Variants in VWC2L observed in about 807,000 individuals in gnomAD.
VWC2L encodes the protein von Willebrand factor C domain containing 2 like, also known as von Willebrand factor C domain-containing protein 2-like.
In VWC2L, 10 loss-of-function variants were observed where a neutral mutation model predicts 21.6. The observed-to-expected ratio is 0.46, with a 90% CI of 0.29 to 0.78. The LOEUF (loss-of-function observed/expected upper bound fraction) is 0.78. VWC2L is among the 30% of genes least tolerant of loss of function. The pLI is 0.10. For missense variants in VWC2L, 209 were observed against 277.1 expected, an observed-to-expected ratio of 0.75 and a Z score of 1.74; for synonymous variants, 96 against 94.3, an observed-to-expected ratio of 1.02 and a Z score of -0.10.
intron 3 of VWC2L, among the ~76,000 whole-genome samples, chr2:214,469,576 C>T (rs144979808): frequency 0.069 from 10,375 of 150,558 alleles, 1,146 homozygotes; most frequent in African/African-American, 0.24. Flanking sequence ...GCCTGGGCGA[C>T]AGAGGGAGAC....
chr2:214,572,062 G>C (rs986868163), intron 3 of VWC2L, among the ~76,000 whole-genome samples: 1 of 152,140 alleles, frequency 6.6e-6, no homozygotes, highest in Non-Finnish European at 1.5e-5. Context: ...GATTACAGGT[G>C]TAAGCCACCA....
At chr2:214,420,550 A>T (rs990827240) in intron 2 of VWC2L, among the ~76,000 whole-genome samples, 3 of 152,222 alleles carry the variant, frequency 2.0e-5, no homozygotes, top group Admixed American at 6.5e-5. Context: ...CACAAGGCAA[A>T]GGAGTACAAA....
At chr2:214,531,916 T>C (rs1247932518) in intron 3 of VWC2L, among the ~76,000 whole-genome samples, 1 of 152,160 alleles carries the variant, frequency 6.6e-6, no homozygotes. Flanking sequence ...ACTAATGATA[T>C]AGTTCTGTAA....
intron 3 of VWC2L, among the ~76,000 whole-genome samples, chr2:214,450,554 C>T (rs541432248): frequency 1.3e-5 from 2 of 152,276 alleles, no homozygotes; most frequent in African/African-American, 4.8e-5. Flanking sequence ...TAATGTGGTG[C>T]ATTCTTGTGT....
At chr2:214,529,858 C>T (rs975628122) in intron 3 of VWC2L, among the ~76,000 whole-genome samples, 4 of 152,088 alleles carry the variant, frequency 2.6e-5, no homozygotes, top group Admixed American at 6.6e-5. Context: ...TTCATGCTTA[C>T]GCTCATATAC....
intron 3 of VWC2L, among the ~76,000 whole-genome samples, chr2:214,496,052 C>T (rs1444834971): frequency 6.6e-6 from 1 of 152,042 alleles, no homozygotes; most frequent in Non-Finnish European, 1.5e-5. Flanking sequence ...TAGCTTACTA[C>T]ACACTTACGC....
chr2:214,512,591 C>T (rs1442941526), intron 3 of VWC2L, among the ~76,000 whole-genome samples: 1 of 152,032 alleles, frequency 6.6e-6, no homozygotes, highest in Non-Finnish European at 1.5e-5. Context: ...TTTACTCTCA[C>T]TTTCTAAAAA....
chr2:214,544,269 C>T (rs1282053407), intron 3 of VWC2L, among the ~76,000 whole-genome samples: 2 of 152,126 alleles, frequency 1.3e-5, no homozygotes, highest in Admixed American at 6.5e-5. Context: ...GATTAGAGAG[C>T]CCTGTTGTAA....
chr2:214,482,760 C>A (rs1475198640), intron 3 of VWC2L, among the ~76,000 whole-genome samples: 2 of 151,558 alleles, frequency 1.3e-5, no homozygotes, highest in African/African-American at 2.4e-5. Context: ...GAAACTGCAT[C>A]TCAAAAAAAT....
At chr2:214,495,253 T>C (rs1432337586) in intron 3 of VWC2L, among the ~76,000 whole-genome samples, 1 of 152,172 alleles carries the variant, frequency 6.6e-6, no homozygotes, top group Non-Finnish European at 1.5e-5. Context: ...CATCCTTTGC[T>C]GATCCTTCGT....
intron 3 of VWC2L, among the ~76,000 whole-genome samples, chr2:214,552,698 A>G (rs62196862): frequency 0.73 from 111,211 of 151,982 alleles, 41,241 homozygotes; most frequent in East Asian, 0.83. Context: ...TTCCTTAGTC[A>G]TCTTCCTATT....
intron 3 of VWC2L, among the ~76,000 whole-genome samples, chr2:214,509,049 C>T (rs1243445238): frequency 6.6e-6 from 1 of 152,146 alleles, no homozygotes; most frequent in African/African-American, 2.4e-5. Context: ...TGGAATCACT[C>T]TGAGGGGAGA....
chr2:214,530,968 C>T (rs1042671056), intron 3 of VWC2L, among the ~76,000 whole-genome samples: 5 of 152,164 alleles, frequency 3.3e-5, no homozygotes, highest in African/African-American at 1.2e-4. Flanking sequence ...TCAGCAATGT[C>T]AACAATGGGG....
chr2:214,482,767 AAATAAT>A (rs1688625693), intron 3 of VWC2L, among the ~76,000 whole-genome samples: 1 of 151,924 alleles, frequency 6.6e-6, no homozygotes, highest in Non-Finnish European at 1.5e-5. Context: ...CATCTCAAAA[AAATAAT>A]AATAATAAGG....
rs116452064 is a variant in VWC2L, at chr2:214,507,539, C to G, written c.521-68133C>G. ...AAACTGATGGCATTCCCCAAGGTCT[C>G]CTGGCAAGTCAGTGATGGAACCAGG... On this transcript the variant is annotated intron_variant, in intron 3 of 3. Transcript: ENST00000312504. Among the ~76,000 whole-genome samples, 1,260 of 152,320 alleles carry G rather than the reference C, an allele frequency of 8.3e-3. 11 individuals are homozygous for G. Among genetic ancestry groups the G allele is most frequent in the Middle Eastern group, 0.024 (7 of 294 alleles).
At chr2:214,571,468 T>C (rs867055966) in intron 3 of VWC2L, among the ~76,000 whole-genome samples, 9 of 152,226 alleles carry the variant, frequency 5.9e-5, no homozygotes, top group African/African-American at 1.4e-4. Context: ...TCATTCATTA[T>C]CAAATACTCC....
At chr2:214,503,662 T>C (rs1233690302) in intron 3 of VWC2L, among the ~76,000 whole-genome samples, 1 of 151,712 alleles carries the variant, frequency 6.6e-6, no homozygotes, top group African/African-American at 2.4e-5. Flanking sequence ...GCATTTTTGC[T>C]GAGCAATTTA....
intron 3 of VWC2L, among the ~76,000 whole-genome samples, chr2:214,495,262 G>A (rs924632978): frequency 3.3e-5 from 5 of 151,992 alleles, no homozygotes; most frequent in African/African-American, 7.2e-5. Context: ...CTGATCCTTC[G>A]TTACTGCCTT....
intron 3 of VWC2L, among the ~76,000 whole-genome samples, chr2:214,482,070 G>T (rs796584727): frequency 5.3e-5 from 8 of 152,234 alleles, no homozygotes; most frequent in African/African-American, 1.9e-4. Flanking sequence ...GGATACTGAT[G>T]ATTGAAACAT....
Sources: gnomAD v4.1 joint callset for allele counts (sites outside exome capture counted in the v4.1 genomes callset) on GRCh38, gnomAD v4.1.1 for gene constraint, MANE v1.5 for transcripts, NCBI Gene and HGNC (gene_info 2026-07-23, HGNC 2026-07-21) for gene names.